TSPAN9: variants seen among roughly 807,000 people sequenced by gnomAD.
TSPAN9 encodes tetraspanin 9.
Under a neutral mutation model 31.0 loss-of-function variants are expected in TSPAN9, and 16 were observed. The ratio of observed to expected loss-of-function variants is 0.52; its 90% CI spans 0.35 to 0.78. The LOEUF (loss-of-function observed/expected upper bound fraction) is 0.78, where lower values mean the gene tolerates loss of function less well. TSPAN9 is among the 30% of genes least tolerant of loss of function. The probability of loss-of-function intolerance (pLI) is 0.01; values close to 1 mark genes in which losing one functional copy is unlikely to be tolerated. For missense variants in TSPAN9, 272 were observed against 312.5 expected, an observed-to-expected ratio of 0.87 and a Z score of 0.98; for synonymous variants, 145 against 121.6, an observed-to-expected ratio of 1.19 and a Z score of -1.27.
chr12:3,078,691 T>C (rs1437463988), intron 1 of TSPAN9, among the ~76,000 whole-genome samples: 2 of 151,982 alleles, frequency 1.3e-5, no homozygotes, highest in Non-Finnish European at 2.9e-5. Flanking sequence ...AGGGAGAGGA[T>C]TGGGGTAGAT....
chr12:3,200,628 C>T (rs1456725211), intron 2 of TSPAN9: 1 of 152,366 alleles, frequency 6.6e-6, no homozygotes, highest in African/African-American at 2.4e-5. Context: ...GCAGCCTCCC[C>T]AAAGACGCTG....
At chr12:3,275,918 TC>T (rs1361313582) in intron 3 of TSPAN9, among the ~76,000 whole-genome samples, 1 of 152,192 alleles carries the variant, frequency 6.6e-6, no homozygotes, top group African/African-American at 2.4e-5. Context: ...CCTTTCTGGT[TC>T]CCCATTTATC....
chr12:3,236,681 C>G (rs903897809), intron 3 of TSPAN9, among the ~76,000 whole-genome samples: 1 of 152,170 alleles, frequency 6.6e-6, no homozygotes. Context: ...ACGAGTAAGC[C>G]TGGGTCTGTG....
intron 2 of TSPAN9, among the ~76,000 whole-genome samples, chr12:3,174,821 A>G (rs571909419): frequency 0.011 from 1,615 of 151,354 alleles, 35 homozygotes; most frequent in African/African-American, 0.037. Flanking sequence ...TGACCTCGTG[A>G]TCCTCCCGCC....
chr12:3,122,416 A>G (rs1480447521), intron 2 of TSPAN9, among the ~76,000 whole-genome samples: 1 of 151,928 alleles, frequency 6.6e-6, no homozygotes, highest in Non-Finnish European at 1.5e-5. Context: ...CTGAGTAGCT[A>G]GGACTTCAGG....
intron 2 of TSPAN9, among the ~76,000 whole-genome samples, chr12:3,188,857 G>C (rs2098362887): frequency 6.6e-6 from 1 of 152,144 alleles, no homozygotes; most frequent in African/African-American, 2.4e-5. Flanking sequence ...CAGTGTTAGA[G>C]GGTGTCCGAT....
intron 2 of TSPAN9, among the ~76,000 whole-genome samples, chr12:3,194,646 C>A (rs901986348): frequency 4.6e-5 from 7 of 152,312 alleles, no homozygotes; most frequent in African/African-American, 1.7e-4. Flanking sequence ...CTTGGCCTCT[C>A]AAAGTTTTGG....
At chr12:3,163,301 A>G (rs775797645) in intron 2 of TSPAN9, among the ~76,000 whole-genome samples, 9 of 152,218 alleles carry the variant, frequency 5.9e-5, no homozygotes, top group South Asian at 4.1e-4. Flanking sequence ...CCATAATTGA[A>G]TATGACAATC....
intron 2 of TSPAN9, among the ~76,000 whole-genome samples, chr12:3,174,490 T>C (rs778928567): frequency 5.9e-5 from 9 of 152,234 alleles, no homozygotes; most frequent in Non-Finnish European, 1.2e-4. Context: ...TCCAGGAGCC[T>C]GTGTGTTCTG....
intron 7 of TSPAN9, 79 bp from the exon 8 acceptor site, chr12:3,281,655 G>C: frequency 6.7e-7 from 1 of 1,482,744 alleles, no homozygotes; most frequent in Non-Finnish European, 9.2e-7. Context: ...GAGGTGGAAG[G>C]AGAGAGTGAG....
At chr12:3,230,575 C>T (rs781632588) in intron 3 of TSPAN9, among the ~76,000 whole-genome samples, 7 of 152,148 alleles carry the variant, frequency 4.6e-5, no homozygotes, top group Non-Finnish European at 7.4e-5. Flanking sequence ...GCCCACGGAG[C>T]GCTCTTCAAC....
chr12:3,137,294 C>T (rs1041922635), intron 2 of TSPAN9, among the ~76,000 whole-genome samples: 10 of 152,206 alleles, frequency 6.6e-5, no homozygotes, highest in African/African-American at 1.7e-4. Flanking sequence ...GCCCTGCCCA[C>T]GTTTCCCCGG....
chr12:3,105,850 A>T (rs1262804183), intron 2 of TSPAN9, among the ~76,000 whole-genome samples: 3 of 118,980 alleles, frequency 2.5e-5, no homozygotes, highest in Non-Finnish European at 5.2e-5. Flanking sequence ...ACACGCTCAC[A>T]CACGTTCACA....
At chr12:3,183,852 CTT>C (rs2098359687) in intron 2 of TSPAN9, among the ~76,000 whole-genome samples, 1 of 152,184 alleles carries the variant, frequency 6.6e-6, no homozygotes. Flanking sequence ...CCTTTGGAAT[CTT>C]TTTGTAAGTT....
chr12:3,262,372 CT>C (rs5796041), intron 3 of TSPAN9, among the ~76,000 whole-genome samples: 37 of 147,766 alleles, frequency 2.5e-4, no homozygotes, highest in East Asian at 5.9e-4. Context: ...GGCTGCTGCT[CT>C]TTTTTTTTTT....
intron 2 of TSPAN9, among the ~76,000 whole-genome samples, chr12:3,114,306 A>G (rs1020886983): frequency 4.6e-5 from 7 of 151,922 alleles, no homozygotes; most frequent in African/African-American, 1.5e-4. Context: ...TCTGCTTTTG[A>G]TTTTTTTTCA....
intron 2 of TSPAN9, among the ~76,000 whole-genome samples, chr12:3,142,579 C>G (rs544968783): frequency 6.6e-6 from 1 of 152,106 alleles, no homozygotes; most frequent in Non-Finnish European, 1.5e-5. Flanking sequence ...AAATCCGATC[C>G]GAGGCTCAGC....
At chr12:3,198,290 AC>A (rs2098368486) in intron 2 of TSPAN9, among the ~76,000 whole-genome samples, 2 of 104,336 alleles carry the variant, frequency 1.9e-5, no homozygotes, top group East Asian at 3.1e-4. Context: ...AGCACAGCTC[AC>A]CACCAGCACA....
At position 3,280,849 on chromosome 12, in the gene TSPAN9, C is replaced by T. The variant is rs1298426926; in HGVS notation, c.433-349C>T. On this transcript the variant is annotated intron_variant, in intron 6 of 8. Coordinates refer to ENST00000011898, the MANE Select transcript of TSPAN9 (RefSeq NM_006675.5). This position sits in a 1 kb window ranked among gnomAD's most constrained non-coding sequence, Gnocchi z 4.5. ...AGTCCCAGATGCTCCCATTTTAAGC[C>T]CTGGGGAGGGGCCGGCAGGGGGTTG... Among the ~76,000 whole-genome samples, 3 of 152,268 alleles carry T rather than the reference C, an allele frequency of 2.0e-5. No individual in the cohort carries two copies. Among genetic ancestry groups the T allele is most frequent in the South Asian group, 2.1e-4 (1 of 4,824 alleles).
Sources: gnomAD v4.1 joint callset for allele counts (sites outside exome capture counted in the v4.1 genomes callset) on GRCh38, gnomAD v4.1.1 for gene constraint, Gnocchi (gnomAD v3.1) non-coding constraint, MANE v1.5 for transcripts, NCBI Gene and HGNC (gene_info 2026-07-23, HGNC 2026-07-21) for gene names.